Variants in RPF2 observed in about 807,000 individuals in gnomAD.
The protein encoded by RPF2 is ribosome production factor 2 homolog, also known as brix domain containing 1.
RPF2 carries 21 observed loss-of-function variants against 38.9 expected under a neutral mutation model. The ratio of observed to expected loss-of-function variants is 0.54; its 90% CI spans 0.38 to 0.78. RPF2 has a LOEUF of 0.78. Ranked by LOEUF, RPF2 falls within the 30% of genes least tolerant of loss-of-function variation. The pLI, the probability that RPF2 is intolerant of heterozygous loss-of-function variation, is 0.00. For missense variants in RPF2, 314 were observed against 358.1 expected (o/e 0.88, Z 0.99); for synonymous variants, 121 against 126.2 (o/e 0.96, Z 0.28).
rs865919895 is a variant in RPF2, at chr6:110,983,806, G to T, written c.24-1200G>T. Among the ~76,000 whole-genome samples the T allele has an allele frequency of 1.5e-3, 224 of 149,954 alleles. 1 individual carries two copies. Among genetic ancestry groups the T allele is most frequent in the African/African-American group, 5.0e-3 (202 of 40,558 alleles). ...TTTGGGAGGCTGAGGCGGGGGGGTGGGTCACGAGGTCAGGAGATCGAGACC... is the reference window on the plus strand; with the variant it reads ...TTTGGGAGGCTGAGGCGGGGGGGTGTGTCACGAGGTCAGGAGATCGAGACC... On this transcript the variant is annotated intron_variant, in intron 1 of 9. Transcript: ENST00000441448.
intron 7 of RPF2, among the ~76,000 whole-genome samples, chr6:111,010,476 C>G (rs1227744262): frequency 6.6e-6 from 1 of 152,148 alleles, no homozygotes; most frequent in African/African-American, 2.4e-5. Flanking sequence ...TCTTTTCCCT[C>G]ATGGGGATTG....
chr6:110,995,779 T>C (rs532029831), intron 4 of RPF2, among the ~76,000 whole-genome samples: 10 of 152,202 alleles, frequency 6.6e-5, no homozygotes, highest in African/African-American at 1.4e-4. Context: ...GTAATGGAAG[T>C]CTGTACTTCT....
intron 6 of RPF2, among the ~76,000 whole-genome samples, chr6:111,002,580 G>A (rs1230867430): frequency 6.6e-6 from 1 of 151,938 alleles, no homozygotes; most frequent in Non-Finnish European, 1.5e-5. Flanking sequence ...CGATCCTCCC[G>A]CCTTGGCCTC....
chr6:110,990,153 G>T (rs1019097299), intron 3 of RPF2, among the ~76,000 whole-genome samples: 9 of 151,160 alleles, frequency 6.0e-5, no homozygotes, highest in African/African-American at 2.2e-4. Flanking sequence ...GGTCAGGCTG[G>T]TCTCGAACTC....
Position 111,020,732 on chromosome 6 carries a change from G to A in RPF2, c.597-3451G>A, listed in dbSNP as rs1461803203. On this transcript the variant is annotated intron_variant, in intron 8 of 9. Coordinates refer to ENST00000441448, the MANE Select transcript of RPF2 (RefSeq NM_032194.3). The stretch of plus-strand genomic sequence containing the variant: ...AAAAATTAGCCGGGCAACATGGTGT[G>A]CACCTGTAATCCCAGCTACTCAGGA... 2.6e-5 allele frequency among the ~76,000 whole-genome samples: 4 copies of A among 152,148 alleles called. No homozygotes were observed. The East Asian group carries it at 7.7e-4, about 29-fold the overall frequency.
chr6:111,024,547 A>G (rs1011669387), intron 9 of RPF2, among the ~76,000 whole-genome samples: 1 of 152,068 alleles, frequency 6.6e-6, no homozygotes, highest in African/African-American at 2.4e-5. Context: ...CCCCGTCTCT[A>G]TGAAAAATAC....
chr6:111,017,415 A>C (rs1772141404), intron 8 of RPF2, among the ~76,000 whole-genome samples: 1 of 149,712 alleles, frequency 6.7e-6, no homozygotes, highest in African/African-American at 2.5e-5. Context: ...CACTTCCCAG[A>C]CGGGGCGGCT....
Position 110,991,740 on chromosome 6 carries a change from T to G in RPF2, c.195-7T>G. The stretch of plus-strand genomic sequence containing the variant: ...TATTAAAATTGTCACTTTTTTGATA[T>G]TCTTAGGAAAAATATTACAAGACCT... On this transcript the variant is annotated splice_polypyrimidine_tract_variant and splice_region_variant and intron_variant, in intron 3 of 9. Coordinates refer to ENST00000441448, the MANE Select transcript of RPF2 (RefSeq NM_032194.3). The G allele has an allele frequency of 8.9e-7, 1 of 1,121,104 alleles. No individual in the cohort carries two copies. Among genetic ancestry groups the G allele is most frequent in the South Asian group, 1.6e-5 (1 of 63,534 alleles). 69.4% of individuals were successfully genotyped at this position (1,121,104 alleles called of 1,614,324 possible). A position where few individuals can be genotyped will look rare whatever the true frequency, so the allele number is the denominator to read the frequency against.
intron 6 of RPF2, among the ~76,000 whole-genome samples, chr6:111,003,092 T>G (rs1410319296): frequency 7.1e-6 from 1 of 140,134 alleles, no homozygotes. Flanking sequence ...CCCCCCCCTT[T>G]TTTTTTCTTT....
In RPF2 at chr6:110,997,175, T is replaced by A. The variant is rs781357708; in HGVS notation, c.235-8T>A. 1 of 1,541,074 alleles carries A rather than the reference T, an allele frequency of 6.5e-7. No individual in the cohort carries two copies. The highest frequency in any genetic ancestry group is 1.4e-5 in the African/African-American group (1 of 73,370). On this transcript the variant is annotated splice_polypyrimidine_tract_variant and splice_region_variant and intron_variant, in intron 4 of 9. Coordinates refer to ENST00000441448, the MANE Select transcript of RPF2 (RefSeq NM_032194.3). ...CATGGACTAAATGGGATTTATTTGG[T>A]TTTATAGGAATTCTTTTCAAAGAAG...
intron 3 of RPF2, 143 bp from the exon 4 acceptor site, chr6:110,991,604 G>A: frequency 2.9e-6 from 1 of 344,616 alleles, no homozygotes. Context: ...TGGTAGCCTG[G>A]CATATAACAG....
chr6:111,011,139 T>C lies in RPF2; in HGVS notation c.493+3002T>C, dbSNP rs151334492. On this transcript the variant is annotated intron_variant, in intron 7 of 9. Coordinates refer to ENST00000441448, the MANE Select transcript of RPF2 (RefSeq NM_032194.3). ...CCCCTACTGTCCATCTTGCCTGTGG[T>C]AAACATATTCCCATGATCCCTTCTA... Among the ~76,000 whole-genome samples the C allele has an allele frequency of 9.8e-5, 15 of 152,296 alleles. 1 individual carries two copies. The highest frequency in any genetic ancestry group is 9.8e-4 in the Admixed American group (15 of 15,286).
At chr6:111,006,223 A>G (rs1237087294) in intron 6 of RPF2, among the ~76,000 whole-genome samples, 2 of 151,018 alleles carry the variant, frequency 1.3e-5, no homozygotes, top group Non-Finnish European at 2.9e-5. Flanking sequence ...AAGCCACCAC[A>G]CCTAGCCTAT....
intron 4 of RPF2, among the ~76,000 whole-genome samples, chr6:110,993,050 C>A (rs1771646724): frequency 6.6e-6 from 1 of 152,190 alleles, no homozygotes; most frequent in South Asian, 2.1e-4. Context: ...GCAGTCTCCA[C>A]CTCCCAGACT....
At chr6:111,002,503 A>G (rs1771826588) in intron 6 of RPF2, among the ~76,000 whole-genome samples, 1 of 151,616 alleles carries the variant, frequency 6.6e-6, no homozygotes, top group African/African-American at 2.4e-5. Context: ...ATGCCCAGCC[A>G]CATTTTTTTT....
chr6:110,986,352 T>C (rs1205916058), intron 2 of RPF2, among the ~76,000 whole-genome samples: 1 of 152,192 alleles, frequency 6.6e-6, no homozygotes, highest in African/African-American at 2.4e-5. Flanking sequence ...GAAGAGCATC[T>C]GGAGTCCAGT....
At chr6:110,985,831 G>T (rs946236848) in intron 2 of RPF2, among the ~76,000 whole-genome samples, 1 of 151,850 alleles carries the variant, frequency 6.6e-6, no homozygotes, top group African/African-American at 2.4e-5. Context: ...CCAGTTGCTC[G>T]GGAGGCTGAG....
chr6:111,023,178 C>T (rs914206004), intron 8 of RPF2, among the ~76,000 whole-genome samples: 6 of 152,200 alleles, frequency 3.9e-5, no homozygotes, highest in South Asian at 2.1e-4. Flanking sequence ...GGACTACAGG[C>T]GTGAGCCACC....
intron 6 of RPF2, among the ~76,000 whole-genome samples, chr6:111,007,483 G>A (rs1275639826): frequency 3.3e-5 from 5 of 150,932 alleles, no homozygotes; most frequent in African/African-American, 1.2e-4. Context: ...AGGATGCCTT[G>A]AGCCCAAGAG....
Sources: allele counts gnomAD v4.1 joint callset (sites outside exome capture counted in the v4.1 genomes callset), GRCh38; gene constraint gnomAD v4.1.1; transcripts MANE v1.5; gene names NCBI Gene and HGNC (gene_info 2026-07-23, HGNC 2026-07-21).